GPRIN3: variants seen among roughly 807,000 people sequenced by gnomAD.
GPRIN3 encodes GPRIN family member 3.
GPRIN3 carries 12 observed loss-of-function variants against 13.7 expected under a neutral mutation model. The observed-to-expected ratio is 0.87, with a 90% CI of 0.56 to 1.42. The LOEUF (loss-of-function observed/expected upper bound fraction) is 1.42, where lower values mean the gene tolerates loss of function less well. Ranked by LOEUF, GPRIN3 falls within the 40% of genes most tolerant of loss-of-function variation. The pLI, the probability that GPRIN3 is intolerant of heterozygous loss-of-function variation, is 0.00. For synonymous variants in GPRIN3, 377 were observed against 372.7 expected (o/e 1.01, Z -0.13); for missense variants, 1,009 against 958.7 (o/e 1.05, Z -0.69).
intron 1 of GPRIN3, among the ~76,000 whole-genome samples, chr4:89,260,976 T>C (rs1172357352): frequency 6.6e-6 from 1 of 152,176 alleles, no homozygotes; most frequent in African/African-American, 2.4e-5. Flanking sequence ...CTTCCTGCAT[T>C]AAACAGAATT....
Position 89,247,665 on chromosome 4 carries a change from G to T in GPRIN3, c.*115C>A. On this transcript the variant is annotated 3_prime_UTR_variant, in exon 2 of 2. Transcript: ENST00000609438. ...CAATTTTTAATAGCAATTTCCTATAGTGAATACTTGCTTTTTCTTCCTAGT... is the reference window on the plus strand; with the variant it reads ...CAATTTTTAATAGCAATTTCCTATATTGAATACTTGCTTTTTCTTCCTAGT... 9.5e-7 allele frequency: 1 copy of T among 1,047,800 alleles called. No individual in the cohort carries two copies. Among genetic ancestry groups the T allele is most frequent in the Non-Finnish European group, 1.4e-6 (1 of 717,708 alleles). 64.9% of individuals were successfully genotyped at this position (1,047,800 alleles called of 1,614,324 possible). A position where few individuals can be genotyped will look rare whatever the true frequency, so the allele number is the denominator to read the frequency against.
At position 89,249,019 on chromosome 4, in the gene GPRIN3, G is replaced by T. The variant is rs144396875; in HGVS notation, c.1092C>A (p.Ser364Arg). 140 of 1,614,064 alleles carry T rather than the reference G, an allele frequency of 8.7e-5. 1 individual carries two copies. The highest frequency in any genetic ancestry group is 3.3e-4 in the Middle Eastern group (2 of 6,080). Reference sequence around the variant, plus strand: ...AGAGCTCCAGTGTGTGGCTCCCACTGCTGTGGCAAATGACACGCAGCTGCT... The same window carrying T: ...AGAGCTCCAGTGTGTGGCTCCCACTTCTGTGGCAAATGACACGCAGCTGCT... Reference protein sequence around the residue: ...EQEQLRVICHSSGSHTLELSD... With the variant: ...EQEQLRVICHRSGSHTLELSD... Residue 364 changes from serine (S) to arginine (R), a missense_variant, in exon 2 of 2, where the codon AGC becomes AGA. Coordinates refer to ENST00000609438, the MANE Select transcript of GPRIN3 (RefSeq NM_198281.3).
At position 89,250,075 on chromosome 4, in the gene GPRIN3, T is replaced by C; in HGVS notation, c.36A>G (p.Lys12=). 6.2e-7 allele frequency: 1 copy of C among 1,614,034 alleles called. No homozygotes were observed. Residue 12 remains lysine (K), a synonymous_variant, in exon 2 of 2, where the codon AAA becomes AAG. Transcript: ENST00000609438. ...TTCCGGAAGCTGCAATCAGGGAAGT[T>C]TTAGCTGATCTCAGAGGGTCAGGTA... The part of the protein sequence containing the change: ...GTVPDPLRSA[K]TSLIAASGKE...
chr4:89,254,371 C>T (rs1199630430), intron 1 of GPRIN3, among the ~76,000 whole-genome samples: 1 of 151,792 alleles, frequency 6.6e-6, no homozygotes, highest in Non-Finnish European at 1.5e-5. Flanking sequence ...TTTTCTGATC[C>T]TCTCCCTCCT....
At chr4:89,266,477 T>C (rs1210740620) in intron 1 of GPRIN3, among the ~76,000 whole-genome samples, 2 of 152,206 alleles carry the variant, frequency 1.3e-5, no homozygotes, top group Non-Finnish European at 2.9e-5. Flanking sequence ...AATTATATTA[T>C]ATAAAAAGGA....
Position 89,240,847 on chromosome 4 carries a change from T to C in GPRIN3, c.*6933A>G, listed in dbSNP as rs1215352062. Reference sequence around the variant, plus strand: ...AAATAAAATGTATTATGTGTGCCTATATATGTGGATAAGCTATTTACATTT... The same window carrying C: ...AAATAAAATGTATTATGTGTGCCTACATATGTGGATAAGCTATTTACATTT... On this transcript the variant is annotated 3_prime_UTR_variant, in exon 2 of 2. Coordinates refer to ENST00000609438, the MANE Select transcript of GPRIN3 (RefSeq NM_198281.3). 2 of 152,238 alleles carry C rather than the reference T, an allele frequency of 1.3e-5. No individual in the cohort carries two copies. Among genetic ancestry groups the C allele is most frequent in the Non-Finnish European group, 2.9e-5 (2 of 68,038 alleles). 9.4% of individuals were successfully genotyped at this position (152,238 alleles called of 1,614,324 possible).
chr4:89,271,315 C>CT (rs1723943521), intron 1 of GPRIN3, among the ~76,000 whole-genome samples: 2 of 152,074 alleles, frequency 1.3e-5, no homozygotes, highest in Admixed American at 1.3e-4. Context: ...TCTTTGTAAG[C>CT]TTATTGACAT....
chr4:89,241,754 C>T lies in GPRIN3; in HGVS notation c.*6026G>A, dbSNP rs923775063. On this transcript the variant is annotated 3_prime_UTR_variant, in exon 2 of 2. Transcript: ENST00000609438. ...TGATCTAAAATAAATGTTAAGGAATCTCAACTAAAATCATCAAGGATGCCA... is the reference window on the plus strand; with the variant it reads ...TGATCTAAAATAAATGTTAAGGAATTTCAACTAAAATCATCAAGGATGCCA... The T allele has an allele frequency of 6.6e-6, 1 of 152,116 alleles. No individual in the cohort carries two copies. The highest frequency in any genetic ancestry group is 1.5e-5 in the Non-Finnish European group (1 of 67,994). 9.4% of individuals were successfully genotyped at this position (152,116 alleles called of 1,614,324 possible).
chr4:89,249,558 C>G lies in GPRIN3; in HGVS notation c.553G>C (p.Val185Leu). 1.2e-6 allele frequency: 2 copies of G among 1,614,146 alleles called. No individual in the cohort carries two copies. Among genetic ancestry groups the G allele is most frequent in the Non-Finnish European group, 1.7e-6 (2 of 1,180,008 alleles). Residue 185 changes from valine (V) to leucine (L), a missense_variant, in exon 2 of 2, where the codon GTG becomes CTG. Physicochemically the swap from Val to Leu is conservative, Grantham distance 32. Coordinates refer to ENST00000609438, the MANE Select transcript of GPRIN3 (RefSeq NM_198281.3). ...GGVLSSSKDQVSCEFPSPETI... is the reference protein window; with the variant it reads ...GGVLSSSKDQLSCEFPSPETI... ...TCTGGAGAAGGAAACTCACAGGACA[C>G]CTGATCTTTGCTGCTACTGAGGACG... is the stretch of plus-strand genomic sequence containing the variant.
At chr4:89,267,211 T>C (rs890405367) in intron 1 of GPRIN3, among the ~76,000 whole-genome samples, 2 of 152,208 alleles carry the variant, frequency 1.3e-5, no homozygotes, top group Non-Finnish European at 2.9e-5. Context: ...TTTCCCATTT[T>C]ATAATCCTTG....
intron 1 of GPRIN3, among the ~76,000 whole-genome samples, chr4:89,298,511 G>T (rs1324103785): frequency 6.6e-6 from 1 of 152,004 alleles, no homozygotes; most frequent in Non-Finnish European, 1.5e-5. Flanking sequence ...AATTCTCTGA[G>T]ATCATGACCA....
Position 89,248,974 on chromosome 4 carries a change from G to A in GPRIN3, c.1137C>T (p.Pro379=), listed in dbSNP as rs1578070975. 1 of 1,614,160 alleles carries A rather than the reference G, an allele frequency of 6.2e-7. No individual in the cohort carries two copies. The highest frequency in any genetic ancestry group is 8.5e-7 in the Non-Finnish European group (1 of 1,180,006). Reference sequence around the variant, plus strand: ...TGCCAGGGCACTGGCTGGACTCCTGGGGGGCTAGCGTGCTGTCAGAGAGCT... The same window carrying A: ...TGCCAGGGCACTGGCTGGACTCCTGAGGGGCTAGCGTGCTGTCAGAGAGCT... ...TLELSDSTLA[P]QESSQCPGIM... The change falls in exon 2 of 2, where the codon CCC becomes CCT. Residue 379 remains proline, a synonymous_variant. Coordinates refer to ENST00000609438, the MANE Select transcript of GPRIN3 (RefSeq NM_198281.3).
chr4:89,247,927 A>G lies in GPRIN3; in HGVS notation c.2184T>C (p.Asn728=), dbSNP rs766025580. 4.3e-6 allele frequency: 7 copies of G among 1,613,984 alleles called. No individual in the cohort carries two copies. The African/African-American group carries it at 8.0e-5, about 18-fold the overall frequency. ...AGGAAATGGATCTCCGGGTCTGGCT[A>G]TTTTGAGTTTTGATTAATTTCTCAT... ...REHEKLIKTQ[N]SQTRRSISSD... Residue 728 remains asparagine (N), a synonymous_variant, in exon 2 of 2, where the codon AAT becomes AAC. Coordinates refer to ENST00000609438, the MANE Select transcript of GPRIN3 (RefSeq NM_198281.3).
intron 1 of GPRIN3, among the ~76,000 whole-genome samples, chr4:89,256,203 T>A (rs1395396133): frequency 6.6e-6 from 1 of 151,968 alleles, no homozygotes; most frequent in Non-Finnish European, 1.5e-5. Context: ...AAAGAAAAAA[T>A]TTTAAAATTT....
At chr4:89,283,900 CG>C (rs926845361) in intron 1 of GPRIN3, among the ~76,000 whole-genome samples, 6 of 151,984 alleles carry the variant, frequency 3.9e-5, no homozygotes, top group African/African-American at 1.5e-4. Flanking sequence ...AGTAAAACTG[CG>C]GGGGGCTTTG....
chr4:89,281,060 G>T (rs189972361), intron 1 of GPRIN3, among the ~76,000 whole-genome samples: 7 of 151,968 alleles, frequency 4.6e-5, no homozygotes, highest in Non-Finnish European at 7.4e-5. Context: ...AAGGTGAAGG[G>T]GGGGGATAAG....
At position 89,247,933 on chromosome 4, in the gene GPRIN3, A is replaced by G. The variant is rs1308738512; in HGVS notation, c.2178T>C (p.Thr726=). ...TGGATCTCCGGGTCTGGCTATTTTG[A>G]GTTTTGATTAATTTCTCATGTTCCC... ...QIREHEKLIK[T]QNSQTRRSIS... is the part of the protein sequence containing the mutation. Residue 726 remains threonine (T), a synonymous_variant, in exon 2 of 2, where the codon ACT becomes ACC. Transcript: ENST00000609438. The G allele has an allele frequency of 6.2e-7, 1 of 1,614,074 alleles. No individual in the cohort carries two copies. The highest frequency in any genetic ancestry group is 1.1e-5 in the South Asian group (1 of 91,066).
Position 89,248,924 on chromosome 4 carries a change from G to C in GPRIN3, c.1187C>G (p.Ala396Gly). The change falls in exon 2 of 2, where the codon GCA (alanine) becomes GGA (glycine). Residue 396 changes from alanine (A) to glycine (G), a missense_variant. Transcript: ENST00000609438. ...PGIMPQVHIQAAAAESTAFQR... is the reference protein window; with the variant it reads ...PGIMPQVHIQGAAAESTAFQR... ...GAAAGCTGTAGACTCAGCTGCAGCTGCCTGAATGTGCACCTGTGGCATGAT... is the reference window on the plus strand; with the variant it reads ...GAAAGCTGTAGACTCAGCTGCAGCTCCCTGAATGTGCACCTGTGGCATGAT... 6.2e-7 allele frequency: 1 copy of C among 1,614,222 alleles called. No homozygotes were observed. Among genetic ancestry groups the C allele is most frequent in the Admixed American group, 1.7e-5 (1 of 60,032 alleles).
chr4:89,268,101 A>C (rs1723832008), intron 1 of GPRIN3, among the ~76,000 whole-genome samples: 1 of 152,222 alleles, frequency 6.6e-6, no homozygotes, highest in Admixed American at 6.5e-5. Context: ...TGTGGTGGGC[A>C]ATAGGAAGTT....
Sources: gnomAD v4.1 joint callset for allele counts (sites outside exome capture counted in the v4.1 genomes callset) on GRCh38, gnomAD v4.1.1 for gene constraint, MANE v1.5 for transcripts, NCBI Gene and HGNC (gene_info 2026-07-23, HGNC 2026-07-21) for gene names.